UBXN4: variants seen among roughly 807,000 people sequenced by gnomAD.
UBXN4 encodes UBX domain-containing protein 4.
Under a neutral mutation model 66.2 loss-of-function variants are expected in UBXN4, and 35 were observed. That is an observed-to-expected ratio of 0.53 (90% CI 0.40 to 0.70). The LOEUF (loss-of-function observed/expected upper bound fraction) is 0.70. Ranked by LOEUF, UBXN4 falls within the 30% of genes least tolerant of loss-of-function variation. UBXN4 has a pLI of 0.00. For missense variants in UBXN4, 533 were observed against 599.8 expected, an observed-to-expected ratio of 0.89 and a Z score of 1.16; for synonymous variants, 203 against 204.5, an observed-to-expected ratio of 0.99 and a Z score of 0.06.
At chr2:135,752,584 G>A (rs1418878739) in intron 2 of UBXN4, among the ~76,000 whole-genome samples, 6 of 152,164 alleles carry the variant, frequency 3.9e-5, no homozygotes, top group African/African-American at 7.2e-5. Flanking sequence ...TAAGTAAGTC[G>A]TAGGCCTTAT....
At chr2:135,774,426 T>C (rs1003055197) in intron 9 of UBXN4, among the ~76,000 whole-genome samples, 16 of 152,232 alleles carry the variant, frequency 1.1e-4, no homozygotes, top group African/African-American at 3.9e-4. Context: ...GAATATATTT[T>C]TGTGATCTAG....
At chr2:135,750,454 C>T (rs890757456) in intron 2 of UBXN4, among the ~76,000 whole-genome samples, 7 of 151,778 alleles carry the variant, frequency 4.6e-5, no homozygotes, top group Middle Eastern at 6.8e-3. Context: ...TGCAGTGAGC[C>T]GAGATTGCAC....
chr2:135,771,917 G>A (rs1023667049), intron 8 of UBXN4, among the ~76,000 whole-genome samples: 2 of 152,208 alleles, frequency 1.3e-5, no homozygotes, highest in Non-Finnish European at 2.9e-5. Context: ...AGATACAGTA[G>A]TGAGCAAATT....
At position 135,755,620 on chromosome 2, in the gene UBXN4, ACT is replaced by A. The variant is rs1187596222; in HGVS notation, c.441_442del (p.Gln148ValfsTer8). ...TTTGAACCTAACAACACTTGTGAAA[ACT>A]CTCAGTCCAGAAATGCAGAGCTTTG... On this transcript the variant is annotated frameshift_variant, in exon 5 of 13. Transcript: ENST00000272638. LOFTEE classifies it high-confidence loss of function. The A allele has an allele frequency of 6.2e-7, 1 of 1,607,716 alleles. No individual in the cohort carries two copies. Among genetic ancestry groups the A allele is most frequent in the Admixed American group, 1.7e-5 (1 of 59,188 alleles).
At chr2:135,780,449 A>G in intron 12 of UBXN4, 64 bp downstream of exon 12, 4 of 1,529,730 alleles carry the variant, frequency 2.6e-6, no homozygotes, top group South Asian at 1.1e-5. Context: ...TTTTTTAAGT[A>G]AAAAGTTGAG....
intron 2 of UBXN4, among the ~76,000 whole-genome samples, chr2:135,748,757 C>T (rs922506024): frequency 6.6e-6 from 1 of 150,710 alleles, no homozygotes; most frequent in African/African-American, 2.4e-5. Flanking sequence ...AGGCCAGGCA[C>T]AGTGGCTCAT....
chr2:135,749,555 A>T (rs866937931), intron 2 of UBXN4, among the ~76,000 whole-genome samples: 6 of 152,264 alleles, frequency 3.9e-5, no homozygotes, highest in Middle Eastern at 6.8e-3. Context: ...ATTTCCACTC[A>T]ATCCAAATAA....
At chr2:135,763,074 C>T (rs1199458781) in intron 6 of UBXN4, among the ~76,000 whole-genome samples, 2 of 152,178 alleles carry the variant, frequency 1.3e-5, no homozygotes, top group Non-Finnish European at 2.9e-5. Context: ...CTAATTAATT[C>T]ACAAGCTGAG....
intron 10 of UBXN4, among the ~76,000 whole-genome samples, chr2:135,777,994 G>A (rs901368975): frequency 6.7e-6 from 1 of 150,234 alleles, no homozygotes; most frequent in South Asian, 2.1e-4. Context: ...TGGCTAACAC[G>A]GTGAAACCCC....
intron 1 of UBXN4, among the ~76,000 whole-genome samples, chr2:135,745,265 A>AG (rs2077200234): frequency 6.7e-6 from 1 of 148,792 alleles, no homozygotes; most frequent in African/African-American, 2.5e-5. Flanking sequence ...CAAATCACAT[A>AG]GGCCTTTCCC....
At chr2:135,770,996 A>G (rs2077379662) in intron 8 of UBXN4, among the ~76,000 whole-genome samples, 1 of 145,022 alleles carries the variant, frequency 6.9e-6, no homozygotes, top group Non-Finnish European at 1.5e-5. Context: ...AAGATTCCCT[A>G]GAAAATAAGC....
At chr2:135,743,669 A>G (rs1399028039) in intron 1 of UBXN4, among the ~76,000 whole-genome samples, 1 of 152,246 alleles carries the variant, frequency 6.6e-6, no homozygotes, top group Non-Finnish European at 1.5e-5. Flanking sequence ...TATAGAAATC[A>G]GAAATTTGGA....
At chr2:135,771,137 A>C (rs1339208279) in intron 8 of UBXN4, among the ~76,000 whole-genome samples, 1 of 152,016 alleles carries the variant, frequency 6.6e-6, no homozygotes, top group Non-Finnish European at 1.5e-5. Context: ...CACATCATAA[A>C]GCTTAGTTTG....
intron 6 of UBXN4, among the ~76,000 whole-genome samples, chr2:135,768,332 G>A (rs779525460): frequency 6.6e-6 from 1 of 151,602 alleles, no homozygotes; most frequent in Non-Finnish European, 1.5e-5. Flanking sequence ...CTGAGTAGCT[G>A]GGATTACAGG....
chr2:135,748,405 A>C (rs758387022), intron 2 of UBXN4, 36 bp downstream of exon 2: 2 of 1,411,828 alleles, frequency 1.4e-6, no homozygotes, highest in African/African-American at 1.5e-5. Flanking sequence ...TAATTTTAAA[A>C]TTTATAAGTA....
rs532802799 is a variant in UBXN4 at position 135,755,586 on chromosome 2, T to C, written c.403T>C (p.Ser135Pro). 11 of 1,610,236 alleles carry C rather than the reference T, an allele frequency of 6.8e-6. No individual in the cohort carries two copies. Among genetic ancestry groups the C allele is most frequent in the Middle Eastern group, 1.7e-4 (1 of 6,056 alleles). The change falls in exon 5 of 13, where the codon TCT becomes CCT. Residue 135 changes from serine (S) to proline (P), a missense_variant. By Grantham distance (74) the Ser-to-Pro change is moderately conservative (BLOSUM62 -1). This residue lies in a region of UBXN4 where 529 missense variants were observed against 580.1 expected (regional missense o/e 0.91). Coordinates refer to ENST00000272638, the MANE Select transcript of UBXN4 (RefSeq NM_014607.4). The part of the protein sequence containing the change: ...SQSESSVSTP[S>P]ASFEPNNTCE... Reference sequence around the variant, plus strand: ...GTCAGAAAGTTCAGTGTCTACTCCATCTGCGTCATTTGAACCTAACAACAC... The same window carrying C: ...GTCAGAAAGTTCAGTGTCTACTCCACCTGCGTCATTTGAACCTAACAACAC...
chr2:135,755,606 C>T lies in UBXN4; in HGVS notation c.423C>T (p.Asn141=). Residue 141 remains asparagine (N), a synonymous_variant, in exon 5 of 13, where the codon AAC becomes AAT. Transcript: ENST00000272638. The part of the protein sequence containing the change: ...VSTPSASFEP[N]NTCENSQSRN... ...CTCCATCTGCGTCATTTGAACCTAACAACACTTGTGAAAACTCTCAGTCCA... is the reference window on the plus strand; with the variant it reads ...CTCCATCTGCGTCATTTGAACCTAATAACACTTGTGAAAACTCTCAGTCCA... The T allele has an allele frequency of 6.2e-7, 1 of 1,610,110 alleles. No homozygotes were observed. Among genetic ancestry groups the T allele is most frequent in the South Asian group, 1.1e-5 (1 of 90,426 alleles).
intron 1 of UBXN4, among the ~76,000 whole-genome samples, chr2:135,746,805 G>A (rs868123957): frequency 6.6e-6 from 1 of 152,150 alleles, no homozygotes; most frequent in African/African-American, 2.4e-5. Context: ...GCCTTCAAGC[G>A]CCCTGTAAGG....
intron 9 of UBXN4, among the ~76,000 whole-genome samples, chr2:135,773,480 G>C (rs1490775262): frequency 6.6e-6 from 1 of 152,180 alleles, no homozygotes; most frequent in Admixed American, 6.5e-5. Context: ...TTTGGATCAT[G>C]TGGCCACCTT....
Sources: gnomAD v4.1 joint callset for allele counts (sites outside exome capture counted in the v4.1 genomes callset) on GRCh38, gnomAD v4.1.1 for gene constraint, gnomAD v4.1.1 regional missense constraint, MANE v1.5 for transcripts, NCBI Gene and HGNC (gene_info 2026-07-23, HGNC 2026-07-21) for gene names.